The following EEA1 variants were observed in gnomAD, a reference collection of about 807,000 sequenced individuals.
EEA1 encodes early endosome antigen 1, also known as early endosome antigen 1, 162kD.
In EEA1, 111 loss-of-function variants were observed where a neutral mutation model predicts 209.2. The observed-to-expected ratio is 0.53, with a 90% CI of 0.45 to 0.62. EEA1 has a LOEUF of 0.62. Ranked by LOEUF, EEA1 falls within the 20% of genes least tolerant of loss-of-function variation. EEA1 has a pLI of 0.00. For missense variants in EEA1, 1,343 were observed against 1,530.8 expected (o/e 0.88, Z 2.05); for synonymous variants, 536 against 540.6 (o/e 0.99, Z 0.12).
chr12:92,897,022 C>G (rs1879913590), intron 1 of EEA1, among the ~76,000 whole-genome samples: 2 of 151,994 alleles, frequency 1.3e-5, no homozygotes, highest in Non-Finnish European at 2.9e-5. Flanking sequence ...CAAAAAAATA[C>G]AAAAATCAGC....
At chr12:92,819,956 A>G (rs1875969754) in intron 13 of EEA1, among the ~76,000 whole-genome samples, 1 of 152,170 alleles carries the variant, frequency 6.6e-6, no homozygotes, top group South Asian at 2.1e-4. Flanking sequence ...CTTAATTAGG[A>G]CTACTCTGAC....
chr12:92,791,897 A>G (rs549660263), intron 21 of EEA1, among the ~76,000 whole-genome samples: 1 of 152,350 alleles, frequency 6.6e-6, no homozygotes, highest in Admixed American at 6.5e-5. Context: ...AGCAAATGTA[A>G]AAGAACAGAA....
Position 92,919,292 on chromosome 12 carries a change from A to C in EEA1, c.24+9751T>G, listed in dbSNP as rs1194239544. On this transcript the variant is annotated intron_variant, in intron 1 of 28. Coordinates refer to ENST00000322349, the MANE Select transcript of EEA1 (RefSeq NM_003566.4). ...ACCAAAGCTGGGCAGAGACACAACC[A>C]AAAAAGAGAATTTTAGACCAATATC... Among the ~76,000 whole-genome samples, 56 of 148,178 alleles carry C rather than the reference A, an allele frequency of 3.8e-4. 1 individual carries two copies. The highest frequency in any genetic ancestry group is 7.8e-4 in the Non-Finnish European group (52 of 66,818).
At chr12:92,776,358 T>C (rs1157573171) in intron 28 of EEA1, among the ~76,000 whole-genome samples, 2 of 151,886 alleles carry the variant, frequency 1.3e-5, no homozygotes, top group African/African-American at 2.4e-5. Flanking sequence ...ATAGAATTTA[T>C]TATGGAACTC....
chr12:92,876,185 A>G (rs1592751268), intron 2 of EEA1, among the ~76,000 whole-genome samples: 1 of 151,878 alleles, frequency 6.6e-6, no homozygotes, highest in Admixed American at 6.6e-5. Context: ...CGATCCTCCC[A>G]CCTTAGCCTC....
At chr12:92,863,548 G>A (rs1878241821) in intron 3 of EEA1, among the ~76,000 whole-genome samples, 1 of 152,204 alleles carries the variant, frequency 6.6e-6, no homozygotes, top group Admixed American at 6.5e-5. Flanking sequence ...AGGCCATTTT[G>A]AACCTTCTGG....
At chr12:92,890,483 A>C (rs1377124225) in intron 2 of EEA1, among the ~76,000 whole-genome samples, 1 of 152,204 alleles carries the variant, frequency 6.6e-6, no homozygotes. Context: ...GACAGATTTC[A>C]AAACAAAGAA....
In EEA1 at chr12:92,798,875, A is replaced by G. The variant is rs1364304442; in HGVS notation, c.2967+17T>C. The G allele has an allele frequency of 1.2e-5, 18 of 1,520,508 alleles. No homozygotes were observed. The highest frequency in any genetic ancestry group is 1.6e-5 in the Non-Finnish European group (18 of 1,139,368). The allele number at this position is 1,520,508 out of a possible 1,614,324, so 94.2% of individuals were successfully genotyped here. A position where few individuals can be genotyped will look rare whatever the true frequency, so the allele number is the denominator to read the frequency against. On this transcript the variant is annotated intron_variant, in intron 21 of 28. Coordinates refer to ENST00000322349, the MANE Select transcript of EEA1 (RefSeq NM_003566.4). Reference sequence around the variant, plus strand: ...CAAGTTTTTCTTCCTATAAAAAGTAAACAAATATATCACTACCTTCTGTAA... The same window carrying G: ...CAAGTTTTTCTTCCTATAAAAAGTAGACAAATATATCACTACCTTCTGTAA...
chr12:92,846,944 G>A (rs1056360633), intron 9 of EEA1, among the ~76,000 whole-genome samples: 4 of 151,978 alleles, frequency 2.6e-5, no homozygotes, highest in Non-Finnish European at 4.4e-5. Context: ...ATGTTTACTT[G>A]AGATTTTAAT....
Position 92,809,148 on chromosome 12 carries a change from T to C in EEA1, c.2208A>G (p.Glu736=). 6.4e-7 allele frequency: 1 copy of C among 1,563,144 alleles called. No homozygotes were observed. The highest frequency in any genetic ancestry group is 8.6e-7 in the Non-Finnish European group (1 of 1,157,346). ...EELEGQIKKL[E]ADSLEVKASK... is the part of the protein sequence containing the mutation. ...TTGCTTTAACTTCAAGACTATCAGC[T>C]TCTAGTTTCTATGAAAGAAATATGA... The change falls in exon 18 of 29, where the codon GAA becomes GAG. Residue 736 remains glutamate, a synonymous_variant. Transcript: ENST00000322349.
intron 2 of EEA1, among the ~76,000 whole-genome samples, chr12:92,883,272 T>C (rs985560873): frequency 3.3e-5 from 5 of 152,202 alleles, no homozygotes; most frequent in Non-Finnish European, 7.4e-5. Context: ...CTTGTTCAAT[T>C]GTTTAAGTTT....
intron 8 of EEA1, among the ~76,000 whole-genome samples, chr12:92,851,863 G>A (rs958336747): frequency 1.3e-5 from 2 of 152,096 alleles, no homozygotes; most frequent in Admixed American, 1.3e-4. Flanking sequence ...CCTAAAAGCA[G>A]ATGGATTTAT....
chr12:92,856,646 C>T (rs1200744325), intron 5 of EEA1, among the ~76,000 whole-genome samples: 1 of 151,332 alleles, frequency 6.6e-6, no homozygotes, highest in Non-Finnish European at 1.5e-5. Flanking sequence ...TTGTCAGAAA[C>T]TTAAATGCTT....
chr12:92,802,527 T>G lies in EEA1; in HGVS notation c.2547A>C (p.Glu849Asp), dbSNP rs1194157055. Residue 849 changes from glutamate to aspartate, a missense_variant, in exon 19 of 29, where the codon GAA becomes GAC. Transcript: ENST00000322349. ...TELQKVKMEK[E>D]ALMTELSTVK... ...CTGTAGAAAGCTCTGTCATTAAAGCTTCTTTCTCCATTTTCACTTTTTGTA... is the reference window on the plus strand; with the variant it reads ...CTGTAGAAAGCTCTGTCATTAAAGCGTCTTTCTCCATTTTCACTTTTTGTA... 1 of 1,599,008 alleles carries G rather than the reference T, an allele frequency of 6.3e-7. No homozygotes were observed. Among genetic ancestry groups the G allele is most frequent in the African/African-American group, 1.4e-5 (1 of 73,756 alleles).
At chr12:92,910,346 G>T (rs974343077) in intron 1 of EEA1, among the ~76,000 whole-genome samples, 3 of 151,348 alleles carry the variant, frequency 2.0e-5, no homozygotes, top group Non-Finnish European at 4.4e-5. Flanking sequence ...GTGCGCACCT[G>T]TAATCCCAGC....
intron 24 of EEA1, 22 bp downstream of exon 24, chr12:92,780,258 A>T: frequency 4.4e-6 from 7 of 1,582,202 alleles, no homozygotes; most frequent in Non-Finnish European, 5.1e-6. Context: ...AGAAGGCAGG[A>T]GAAATGATTA....
At chr12:92,821,262 A>G (rs1431439112) in intron 13 of EEA1, among the ~76,000 whole-genome samples, 2 of 152,200 alleles carry the variant, frequency 1.3e-5, no homozygotes, top group African/African-American at 4.8e-5. Flanking sequence ...GAAATTTCTA[A>G]CTATCCTACT....
chr12:92,895,153 T>C, intron 1 of EEA1, among the ~76,000 whole-genome samples: 1 of 17,432 alleles, frequency 5.7e-5, no homozygotes, highest in African/African-American at 1.6e-4. Flanking sequence ...TTTTTTTTTT[T>C]TTTTTTTTTT....
chr12:92,927,993 C>A (rs773208450), intron 1 of EEA1, among the ~76,000 whole-genome samples: 8 of 152,230 alleles, frequency 5.3e-5, no homozygotes, highest in Non-Finnish European at 8.8e-5. Flanking sequence ...ACTCAACTCT[C>A]TTCCGCACAT....
Sources: gnomAD v4.1 joint callset for allele counts (sites outside exome capture counted in the v4.1 genomes callset) on GRCh38, gnomAD v4.1.1 for gene constraint, MANE v1.5 for transcripts, NCBI Gene and HGNC (gene_info 2026-07-23, HGNC 2026-07-21) for gene names.